DPYSL3: variants seen among roughly 807,000 people sequenced by gnomAD.
DPYSL3 encodes the protein dihydropyrimidinase-related protein 3.
In DPYSL3, 16 loss-of-function variants were observed where a neutral mutation model predicts 66.1. The ratio of observed to expected loss-of-function variants is 0.24; its 90% confidence interval spans 0.16 to 0.37. The LOEUF (loss-of-function observed/expected upper bound fraction) is 0.37. DPYSL3 is among the 10% of genes least tolerant of loss of function. The pLI, the probability that DPYSL3 is intolerant of heterozygous loss-of-function variation, is 1.00. For synonymous variants in DPYSL3, 338 were observed against 345.1 expected, an observed-to-expected ratio of 0.98 and a Z score of 0.23; for missense variants, 738 against 916.2, an observed-to-expected ratio of 0.81 and a Z score of 2.51.
intron 1 of DPYSL3, among the ~76,000 whole-genome samples, chr5:147,450,027 T>C (rs7716469): frequency 0.05 from 7,549 of 152,206 alleles, 611 homozygotes; most frequent in African/African-American, 0.17. Context: ...CCTACCAATG[T>C]CAAGTAACAG....
In DPYSL3 at chr5:147,452,881, G is replaced by GCACACACA. The variant is rs3995474; in HGVS notation, c.382-27926_382-27919dup. 3.9e-4 allele frequency among the ~76,000 whole-genome samples: 54 copies of GCACACACA among 137,450 alleles called. 1 individual carries two copies. The highest frequency in any genetic ancestry group is 3.7e-3 in the Middle Eastern group (1 of 270). The allele number at this position is 137,450 out of a possible 152,430, so 90.2% of individuals were successfully genotyped here. A position where few individuals can be genotyped will look rare whatever the true frequency, so the allele number is the denominator to read the frequency against. ...ATGAAAAATGTAAAGTGCATCGAAG[G>GCACACACA]CACACACACACACACACACACACAC... On this transcript the variant is annotated intron_variant, in intron 1 of 13. Coordinates refer to ENST00000343218, the MANE Select transcript of DPYSL3 (RefSeq NM_001197294.2).
At chr5:147,496,538 C>G (rs1753512880) in intron 1 of DPYSL3, among the ~76,000 whole-genome samples, 1 of 151,668 alleles carries the variant, frequency 6.6e-6, no homozygotes, top group African/African-American at 2.4e-5. Flanking sequence ...ACAATGAACT[C>G]AAACAAATTT....
At chr5:147,429,793 T>C (rs1211115623) in intron 1 of DPYSL3, among the ~76,000 whole-genome samples, 1 of 152,134 alleles carries the variant, frequency 6.6e-6, no homozygotes, top group Non-Finnish European at 1.5e-5. Flanking sequence ...CAGGGCTCTC[T>C]TCTCTATTTG....
intron 1 of DPYSL3, among the ~76,000 whole-genome samples, chr5:147,438,913 T>G (rs553033272): frequency 1.3e-5 from 2 of 152,354 alleles, no homozygotes; most frequent in South Asian, 4.1e-4. Flanking sequence ...ATCTTTCATT[T>G]ATCATTCCAT....
intron 8 of DPYSL3, among the ~76,000 whole-genome samples, chr5:147,402,528 T>C (rs1758221679): frequency 6.8e-6 from 1 of 147,850 alleles, no homozygotes; most frequent in African/African-American, 2.7e-5. Flanking sequence ...TTTGTATTTT[T>C]AGTAGAGACG....
chr5:147,395,639 G>T lies in DPYSL3; in HGVS notation c.1886C>A (p.Pro629His). 3 of 1,614,132 alleles carry T rather than the reference G, an allele frequency of 1.9e-6. No homozygotes were observed. The highest frequency in any genetic ancestry group is 2.7e-5 in the African/African-American group (2 of 75,042). The change falls in exon 13 of 14, where the codon CCC becomes CAC. Residue 629 changes from proline (P) to histidine (H), a missense_variant. By Grantham distance (77) the Pro-to-His change is moderately conservative. Coordinates refer to ENST00000343218, the MANE Select transcript of DPYSL3 (RefSeq NM_001197294.2). ...DLTTTPKGGT[P>H]AGSARGSPTR... ...AGGAGAGCCCCGAGCAGAGCCTGCGGGGGTGCCACCTTTGGGGGTGGTGGT... is the reference window on the plus strand; with the variant it reads ...AGGAGAGCCCCGAGCAGAGCCTGCGTGGGTGCCACCTTTGGGGGTGGTGGT...
At chr5:147,493,690 G>C (rs1416414709) in intron 1 of DPYSL3, among the ~76,000 whole-genome samples, 1 of 152,180 alleles carries the variant, frequency 6.6e-6, no homozygotes, top group African/African-American at 2.4e-5. Flanking sequence ...GACATCTATA[G>C]ACTACTTCAT....
At chr5:147,399,491 C>G (rs2152016407) in intron 10 of DPYSL3, among the ~76,000 whole-genome samples, 1 of 152,240 alleles carries the variant, frequency 6.6e-6, no homozygotes, top group South Asian at 2.1e-4. Flanking sequence ...CTGAAGTATG[C>G]ATTTTTTTCT....
intron 1 of DPYSL3, among the ~76,000 whole-genome samples, chr5:147,479,409 A>G (rs1325879283): frequency 6.6e-6 from 1 of 152,236 alleles, no homozygotes; most frequent in African/African-American, 2.4e-5. Context: ...TCCCTAGTGC[A>G]CAGGACAACT....
intron 1 of DPYSL3, among the ~76,000 whole-genome samples, chr5:147,461,724 G>C (rs1436723990): frequency 2.0e-5 from 3 of 152,160 alleles, no homozygotes; most frequent in African/African-American, 7.2e-5. Context: ...ACATGTAGAG[G>C]CCAGGTACTG....
At chr5:147,441,752 T>G (rs1449639959) in intron 1 of DPYSL3, among the ~76,000 whole-genome samples, 2 of 152,200 alleles carry the variant, frequency 1.3e-5, no homozygotes, top group African/African-American at 4.8e-5. Flanking sequence ...ATGAAGGGGT[T>G]GGAATAACAG....
chr5:147,509,851 G>T lies in DPYSL3; in HGVS notation c.8C>A (p.Ser3Ter). Residue 3 changes from serine to a stop codon, truncating the protein, a stop_gained, in exon 1 of 14, where the codon TCG becomes TAG. Transcript: ENST00000343218. LOFTEE classifies it high-confidence loss of function. The surrounding 1 kb of genome is among the most constrained non-coding windows in gnomAD (Gnocchi z 5.3). MA[S>*]GRRGWDSSHE... ...GGAGCTGTCCCAGCCCCTCCGGCCCGAGGCCATGGTTCAAGCACGAAAGCG... is the reference window on the plus strand; with the variant it reads ...GGAGCTGTCCCAGCCCCTCCGGCCCTAGGCCATGGTTCAAGCACGAAAGCG... The T allele has an allele frequency of 6.5e-7, 1 of 1,528,270 alleles. No individual in the cohort carries two copies. The highest frequency in any genetic ancestry group is 8.8e-7 in the Non-Finnish European group (1 of 1,141,330). 94.7% of individuals were successfully genotyped at this position (1,528,270 alleles called of 1,614,324 possible). A position where few individuals can be genotyped will look rare whatever the true frequency, so the allele number is the denominator to read the frequency against.
At chr5:147,432,083 C>A (rs1288379549) in intron 1 of DPYSL3, among the ~76,000 whole-genome samples, 3 of 152,172 alleles carry the variant, frequency 2.0e-5, no homozygotes, top group Non-Finnish European at 2.9e-5. Context: ...AACCTCTGAA[C>A]TGCTACAGAT....
At chr5:147,503,148 T>G (rs1401051903) in intron 1 of DPYSL3, among the ~76,000 whole-genome samples, 2 of 152,220 alleles carry the variant, frequency 1.3e-5, no homozygotes, top group African/African-American at 2.4e-5. Flanking sequence ...AACCACTGAC[T>G]ATTATCTATT....
Position 147,500,180 on chromosome 5 carries a change from T to G in DPYSL3, c.381+9298A>C, listed in dbSNP as rs562742215. Among the ~76,000 whole-genome samples the G allele has an allele frequency of 1.7e-3, 259 of 152,330 alleles. 3 individuals carry two copies. The highest frequency in any genetic ancestry group is 5.6e-3 in the African/African-American group (234 of 41,584). On this transcript the variant is annotated intron_variant, in intron 1 of 13. Transcript: ENST00000343218. ...GAAATAAATAATTGGTGAGCTGGAC[T>G]ATATTAAAATTAAAAACATATGTGC...
intron 1 of DPYSL3, among the ~76,000 whole-genome samples, chr5:147,440,212 A>T (rs1276179699): frequency 1.3e-5 from 2 of 152,192 alleles, no homozygotes; most frequent in Non-Finnish European, 2.9e-5. Flanking sequence ...CTGAGGCAGG[A>T]GAATGGCATG....
chr5:147,442,588 C>A (rs776630068), intron 1 of DPYSL3, among the ~76,000 whole-genome samples: 4 of 152,052 alleles, frequency 2.6e-5, no homozygotes, highest in Non-Finnish European at 5.9e-5. Flanking sequence ...AACTAAAAAA[C>A]AACCGACAAT....
In DPYSL3 at chr5:147,460,418, A is replaced by G. The variant is rs544167845; in HGVS notation, c.382-35455T>C. Among the ~76,000 whole-genome samples the G allele has an allele frequency of 3.9e-4, 59 of 152,348 alleles. 1 individual carries two copies. Among genetic ancestry groups the G allele is most frequent in the South Asian group, 1.2e-3 (6 of 4,832 alleles). On this transcript the variant is annotated intron_variant, in intron 1 of 13. Transcript: ENST00000343218. ...TGGGAAAAAAGGCAGTCTAGTGTGT[A>G]CCATTCCCCAAAAGGTCCATGTCCT...
At chr5:147,498,128 C>T (rs1753548988) in intron 1 of DPYSL3, among the ~76,000 whole-genome samples, 1 of 152,080 alleles carries the variant, frequency 6.6e-6, no homozygotes, top group Non-Finnish European at 1.5e-5. Context: ...TGTTGTTTCC[C>T]TCTATGTACC....
Sources: gnomAD v4.1 joint callset for allele counts (sites outside exome capture counted in the v4.1 genomes callset) on GRCh38, gnomAD v4.1.1 for gene constraint, Gnocchi (gnomAD v3.1) non-coding constraint, MANE v1.5 for transcripts, NCBI Gene and HGNC (gene_info 2026-07-23, HGNC 2026-07-21) for gene names.